ZCCHC7: variants seen among roughly 807,000 people sequenced by gnomAD.
ZCCHC7 encodes the protein zinc finger CCHC-type containing 7.
A neutral mutation model predicts 52.0 loss-of-function variants in ZCCHC7; 35 were observed. The observed-to-expected ratio is 0.67, with a 90% confidence interval of 0.51 to 0.89. The LOEUF is 0.89. ZCCHC7 is among the 40% of genes least tolerant of loss of function. The pLI is 0.00. For missense variants in ZCCHC7, 574 were observed against 649.1 expected, an observed-to-expected ratio of 0.88 and a Z score of 1.26; for synonymous variants, 217 against 221.5, an observed-to-expected ratio of 0.98 and a Z score of 0.18.
At chr9:37,231,881 T>G (rs1467173810) in intron 2 of ZCCHC7, among the ~76,000 whole-genome samples, 2 of 152,184 alleles carry the variant, frequency 1.3e-5, no homozygotes, top group Non-Finnish European at 2.9e-5. Flanking sequence ...TCTCAGTGTT[T>G]TGGGTCTTTT....
Position 37,354,181 on chromosome 9 carries a change from C to T in ZCCHC7, c.1084-529C>T, listed in dbSNP as rs559034729. On this transcript the variant is annotated intron_variant, in intron 7 of 8. Transcript: ENST00000336755. This position sits in a 1 kb window ranked among gnomAD's most constrained non-coding sequence, Gnocchi z 4.0. ...GCATAACCTACCACCAACCTACCCC[C>T]CACCGTTAAGAATCACTACCCCTAT... 1.4e-4 allele frequency among the ~76,000 whole-genome samples: 21 copies of T among 152,098 alleles called. No individual in the cohort carries two copies. The highest frequency in any genetic ancestry group is 2.5e-4 in the Non-Finnish European group (17 of 68,014).
At chr9:37,332,147 C>T (rs1564259895) in intron 6 of ZCCHC7, among the ~76,000 whole-genome samples, 1 of 151,504 alleles carries the variant, frequency 6.6e-6, no homozygotes, top group Non-Finnish European at 1.5e-5. Context: ...GCTATTGAGA[C>T]ATTACATCTC....
At chr9:37,152,357 G>A (rs1374069669) in intron 2 of ZCCHC7, among the ~76,000 whole-genome samples, 1 of 151,906 alleles carries the variant, frequency 6.6e-6, no homozygotes, top group Admixed American at 6.6e-5. Context: ...ATATTAATTG[G>A]CTACATTTGT....
At chr9:37,293,253 A>G (rs975641477) in intron 2 of ZCCHC7, among the ~76,000 whole-genome samples, 2 of 152,206 alleles carry the variant, frequency 1.3e-5, no homozygotes, top group African/African-American at 4.8e-5. Context: ...AAAAAAAATT[A>G]TAGGAAAAAA....
intron 2 of ZCCHC7, among the ~76,000 whole-genome samples, chr9:37,199,995 T>A (rs1440545075): frequency 6.6e-6 from 1 of 152,086 alleles, no homozygotes; most frequent in Admixed American, 6.5e-5. Flanking sequence ...CGTGAGCCAC[T>A]GTGCCAGGAC....
At chr9:37,160,206 C>G (rs1821019132) in intron 2 of ZCCHC7, 1 of 152,202 alleles carries the variant, frequency 6.6e-6, no homozygotes, top group Non-Finnish European at 1.5e-5. Context: ...TGTTCCATCT[C>G]CATTCCCACT....
chr9:37,207,490 C>T, intron 2 of ZCCHC7, among the ~76,000 whole-genome samples: 1 of 122,150 alleles, frequency 8.2e-6, no homozygotes, highest in African/African-American at 3.3e-5. Context: ...TTTATTATTT[C>T]TCCAGAGTTT....
chr9:37,245,332 A>AT (rs1826037639), intron 2 of ZCCHC7, among the ~76,000 whole-genome samples: 1 of 152,034 alleles, frequency 6.6e-6, no homozygotes, highest in South Asian at 2.1e-4. Context: ...AGAAGAAGCT[A>AT]TTTTTAAAAA....
intron 6 of ZCCHC7, among the ~76,000 whole-genome samples, chr9:37,343,048 C>T (rs374391860): frequency 1.1e-4 from 17 of 152,122 alleles, no homozygotes; most frequent in African/African-American, 3.9e-4. Context: ...ATAGTACATG[C>T]GCATAGCCAT....
intron 2 of ZCCHC7, among the ~76,000 whole-genome samples, chr9:37,243,401 C>T (rs554224822): frequency 2.0e-5 from 3 of 151,870 alleles, no homozygotes; most frequent in African/African-American, 7.2e-5. Flanking sequence ...GTATTGCCGG[C>T]TACAAGTGCT....
chr9:37,293,475 C>G (rs1044917484), intron 2 of ZCCHC7, among the ~76,000 whole-genome samples: 1 of 152,198 alleles, frequency 6.6e-6, no homozygotes, highest in Admixed American at 6.5e-5. Context: ...TTAAAAGTAG[C>G]TTCTTGATTA....
At chr9:37,304,034 T>C (rs1829176297) in intron 3 of ZCCHC7, among the ~76,000 whole-genome samples, 154 bp from the exon 4 acceptor site, 2 of 152,226 alleles carry the variant, frequency 1.3e-5, no homozygotes, top group South Asian at 4.1e-4. Flanking sequence ...TGAACAGATA[T>C]AACTAATAAT....
intron 2 of ZCCHC7, among the ~76,000 whole-genome samples, chr9:37,194,073 T>G (rs574407080): frequency 1.8e-4 from 27 of 152,306 alleles, no homozygotes; most frequent in African/African-American, 6.0e-4. Flanking sequence ...CCCACACAAT[T>G]AAGCACTCTG....
At chr9:37,161,034 C>T (rs1373575358) in intron 2 of ZCCHC7, among the ~76,000 whole-genome samples, 1 of 151,614 alleles carries the variant, frequency 6.6e-6, no homozygotes, top group Non-Finnish European at 1.5e-5. Context: ...ACTGCACTCT[C>T]CACCTCCTGG....
intron 2 of ZCCHC7, among the ~76,000 whole-genome samples, chr9:37,226,232 C>G (rs1825095390): frequency 6.6e-6 from 1 of 151,992 alleles, no homozygotes; most frequent in African/African-American, 2.4e-5. Flanking sequence ...GTAATCATAG[C>G]AAAAATGTAT....
chr9:37,168,996 G>A (rs1174739814), intron 2 of ZCCHC7, among the ~76,000 whole-genome samples: 1 of 152,050 alleles, frequency 6.6e-6, no homozygotes, highest in Non-Finnish European at 1.5e-5. Flanking sequence ...TACATCCCGA[G>A]ACATTCTAAT....
chr9:37,197,792 T>G (rs1290259674), intron 2 of ZCCHC7, among the ~76,000 whole-genome samples: 1 of 152,220 alleles, frequency 6.6e-6, no homozygotes, highest in Non-Finnish European at 1.5e-5. Context: ...CTGTGAGATC[T>G]GGGCCAGTGA....
At chr9:37,307,230 T>C (rs1414724928) in intron 5 of ZCCHC7, among the ~76,000 whole-genome samples, 1 of 152,176 alleles carries the variant, frequency 6.6e-6, no homozygotes, top group African/African-American at 2.4e-5. Context: ...TGGAGTTTAG[T>C]CATAATTTCA....
At chr9:37,238,725 T>A (rs1400221620) in intron 2 of ZCCHC7, among the ~76,000 whole-genome samples, 1 of 152,158 alleles carries the variant, frequency 6.6e-6, no homozygotes, top group African/African-American at 2.4e-5. Flanking sequence ...CTTTCTGTGC[T>A]TCAAATCATG....
Sources: allele counts gnomAD v4.1 joint callset (sites outside exome capture counted in the v4.1 genomes callset), GRCh38; gene constraint gnomAD v4.1.1; non-coding constraint Gnocchi (gnomAD v3.1); transcripts MANE v1.5; gene names NCBI Gene and HGNC (gene_info 2026-07-23, HGNC 2026-07-21).